RNF138: variants seen among roughly 807,000 people sequenced by gnomAD.
RNF138 encodes the protein ring finger protein 138.
In RNF138, 12 loss-of-function variants were observed where a neutral mutation model predicts 31.0. The observed-to-expected ratio is 0.39, with a 90% CI of 0.25 to 0.63. The LOEUF (loss-of-function observed/expected upper bound fraction) is 0.63, where lower values mean the gene tolerates loss of function less well. Ranked by LOEUF, RNF138 falls within the 20% of genes least tolerant of loss-of-function variation. The pLI, the probability that RNF138 is intolerant of heterozygous loss-of-function variation, is 0.52. For synonymous variants in RNF138, 105 were observed against 99.5 expected, an observed-to-expected ratio of 1.06 and a Z score of -0.33; for missense variants, 192 against 300.1, an observed-to-expected ratio of 0.64 and a Z score of 2.66.
chr18:32,096,724 ATTTTGT>A (rs2039812762), intron 2 of RNF138, among the ~76,000 whole-genome samples: 2 of 152,172 alleles, frequency 1.3e-5, no homozygotes, highest in Middle Eastern at 3.4e-3. Flanking sequence ...GTCAGATGTA[ATTTTGT>A]TTTTGTTTTT....
chr18:32,125,739 C>G (rs1055689973), intron 6 of RNF138, among the ~76,000 whole-genome samples: 1 of 151,800 alleles, frequency 6.6e-6, no homozygotes, highest in Non-Finnish European at 1.5e-5. Flanking sequence ...CGAGACTAGC[C>G]TGGGCAACAT....
chr18:32,108,470 T>C (rs2040073404), intron 2 of RNF138, among the ~76,000 whole-genome samples: 1 of 152,234 alleles, frequency 6.6e-6, no homozygotes, highest in Non-Finnish European at 1.5e-5. Flanking sequence ...TATATCATTA[T>C]GTTCATATTG....
At chr18:32,109,304 C>G (rs1320339597) in intron 2 of RNF138, among the ~76,000 whole-genome samples, 1 of 152,026 alleles carries the variant, frequency 6.6e-6, no homozygotes, top group East Asian at 1.9e-4. Context: ...CAGGCATGTG[C>G]CACCATGCCA....
In RNF138 at chr18:32,131,375, A is replaced by AAT. The variant is rs2040476147; in HGVS notation, c.*2188_*2189insAT. ...TATGGAAATTAAATTTATGGGGAAA[A>AAT]GTTTATTTTTAATATTACTTATAGC... On this transcript the variant is annotated 3_prime_UTR_variant, in exon 8 of 8. Transcript: ENST00000261593. 1 of 81,752 alleles carries AAT rather than the reference A, an allele frequency of 1.2e-5. No homozygotes were observed. The highest frequency in any genetic ancestry group is 4.5e-5 in the African/African-American group (1 of 22,246). The allele number at this position is 81,752 out of a possible 1,614,324, so 5.1% of individuals were successfully genotyped here.
At chr18:32,121,025 C>T (rs1214090436) in intron 4 of RNF138, among the ~76,000 whole-genome samples, 1 of 151,874 alleles carries the variant, frequency 6.6e-6, no homozygotes, top group African/African-American at 2.4e-5. Context: ...GACCCAGCTA[C>T]TCGGGAGGCT....
At chr18:32,121,492 T>C (rs1468230248) in intron 4 of RNF138, among the ~76,000 whole-genome samples, 1 of 152,032 alleles carries the variant, frequency 6.6e-6, no homozygotes, top group Non-Finnish European at 1.5e-5. Flanking sequence ...CGAAACTCCA[T>C]CTCAAAAAAA....
chr18:32,093,263 C>G (rs951589117), intron 2 of RNF138, among the ~76,000 whole-genome samples: 1 of 152,106 alleles, frequency 6.6e-6, no homozygotes, highest in Admixed American at 6.5e-5. Flanking sequence ...ATCTTGGAGC[C>G]TTTTTGTTTC....
Position 32,129,060 on chromosome 18 carries a change from C to A in RNF138, c.670-59C>A, listed in dbSNP as rs189815275. 1.0e-4 allele frequency: 119 copies of A among 1,165,460 alleles called. No homozygotes were observed. The East Asian group carries it at 2.7e-3, about 26-fold the overall frequency. 72.2% of individuals were successfully genotyped at this position (1,165,460 alleles called of 1,614,324 possible). A position where few individuals can be genotyped will look rare whatever the true frequency, so the allele number is the denominator to read the frequency against. Reference sequence around the variant, plus strand: ...GTATCAAGATGTCTAATGTTTTGGGCAAAGTATTAGAGTAGTTGAATATGT... The same window carrying A: ...GTATCAAGATGTCTAATGTTTTGGGAAAAGTATTAGAGTAGTTGAATATGT... On this transcript the variant is annotated intron_variant, in intron 7 of 7. Transcript: ENST00000261593.
rs150547527 is a variant in RNF138, at chr18:32,106,809, G to A, written c.111-4945G>A. ...TCTTGATTTCCTGACCTCGTGATCCGCCTGCCTCGGCCTCCCAAAGTGCTG... is the reference window on the plus strand; with the variant it reads ...TCTTGATTTCCTGACCTCGTGATCCACCTGCCTCGGCCTCCCAAAGTGCTG... On this transcript the variant is annotated intron_variant, in intron 2 of 7. Transcript: ENST00000261593. Among the ~76,000 whole-genome samples the A allele has an allele frequency of 2.8e-3, 422 of 151,996 alleles. 1 individual carries two copies. The highest frequency in any genetic ancestry group is 3.8e-3 in the Non-Finnish European group (260 of 67,972).
In RNF138 at chr18:32,102,195, CTTTTTTTTTTT is replaced by C. The variant is rs1167535943; in HGVS notation, c.110+9323_110+9333del. On this transcript the variant is annotated intron_variant, in intron 2 of 7. Coordinates refer to ENST00000261593, the MANE Select transcript of RNF138 (RefSeq NM_016271.5). Reference sequence around the variant, plus strand: ...ACCACACCTGACCTTCTTTTAGTTTCTTTTTTTTTTTTTTTTTTTTTTTTGAGACGGAGTCT... The same window carrying C: ...ACCACACCTGACCTTCTTTTAGTTTCTTTTTTTTTTTTTGAGACGGAGTCT... Among the ~76,000 whole-genome samples, 34 of 63,832 alleles carry C rather than the reference CTTTTTTTTTTT, an allele frequency of 5.3e-4. No homozygotes were observed. In the East Asian group the frequency reaches 0.013, roughly 24 times the overall value. The allele number at this position is 63,832 out of a possible 152,430, so 41.9% of individuals were successfully genotyped here. A position where few individuals can be genotyped will look rare whatever the true frequency, so the allele number is the denominator to read the frequency against.
chr18:32,106,619 C>T (rs916450665), intron 2 of RNF138, among the ~76,000 whole-genome samples: 2 of 151,778 alleles, frequency 1.3e-5, no homozygotes, highest in Admixed American at 1.3e-4. Flanking sequence ...GGCTTGAGTG[C>T]AGTTGTGCGA....
intron 2 of RNF138, among the ~76,000 whole-genome samples, chr18:32,098,852 C>CA (rs76852201): frequency 0.022 from 1,268 of 57,918 alleles, 16 homozygotes; most frequent in South Asian, 0.08. Flanking sequence ...GACTCCGTTT[C>CA]AAAAAAAAAA....
At chr18:32,107,850 C>G (rs1393266910) in intron 2 of RNF138, among the ~76,000 whole-genome samples, 1 of 151,694 alleles carries the variant, frequency 6.6e-6, no homozygotes, top group Non-Finnish European at 1.5e-5. Flanking sequence ...TTTAATATAA[C>G]TACCCTTGTT....
chr18:32,129,569 C>T lies in RNF138; in HGVS notation c.*382C>T, dbSNP rs547174848. 1.4e-3 allele frequency: 225 copies of T among 160,994 alleles called. 1 individual carries two copies. The highest frequency in any genetic ancestry group is 3.1e-3 in the Middle Eastern group (1 of 318). 10.0% of individuals were successfully genotyped at this position (160,994 alleles called of 1,614,324 possible). On this transcript the variant is annotated 3_prime_UTR_variant, in exon 8 of 8. Coordinates refer to ENST00000261593, the MANE Select transcript of RNF138 (RefSeq NM_016271.5). ...TTAACACACAGTAGCAAATTTTGAA[C>T]GATGTGATTGATATAACCTAACAAA...
At chr18:32,115,344 GCCCT>G (rs1038270437) in intron 4 of RNF138, among the ~76,000 whole-genome samples, 93 of 152,182 alleles carry the variant, frequency 6.1e-4, no homozygotes, top group African/African-American at 2.2e-3. Context: ...CCTAGCTCAG[GCCCT>G]CATCATCTCT....
intron 4 of RNF138, among the ~76,000 whole-genome samples, chr18:32,115,296 T>C (rs751809651): frequency 2.6e-5 from 4 of 152,222 alleles, no homozygotes; most frequent in African/African-American, 9.6e-5. Flanking sequence ...CTAATAGCAA[T>C]ATTCCTCATC....
intron 2 of RNF138, among the ~76,000 whole-genome samples, chr18:32,110,394 G>GT (rs1442885702): frequency 6.6e-6 from 1 of 152,192 alleles, no homozygotes; most frequent in Non-Finnish European, 1.5e-5. Context: ...GACAAATAAT[G>GT]TGTTAAGCAT....
chr18:32,096,158 TTAGA>T (rs1457593461), intron 2 of RNF138, among the ~76,000 whole-genome samples: 1 of 152,224 alleles, frequency 6.6e-6, no homozygotes, highest in African/African-American at 2.4e-5. Flanking sequence ...TATTAAATAA[TTAGA>T]TAACCTAATG....
At chr18:32,102,460 C>T (rs2039960710) in intron 2 of RNF138, among the ~76,000 whole-genome samples, 1 of 151,866 alleles carries the variant, frequency 6.6e-6, no homozygotes, top group East Asian at 1.9e-4. Flanking sequence ...CTCAGCCTCC[C>T]AAAGTACTGG....
Sources: allele counts gnomAD v4.1 joint callset (sites outside exome capture counted in the v4.1 genomes callset), GRCh38; gene constraint gnomAD v4.1.1; transcripts MANE v1.5; gene names NCBI Gene and HGNC (gene_info 2026-07-23, HGNC 2026-07-21).